Variants in TCF12 observed in about 807,000 individuals in gnomAD.
TCF12 encodes the protein transcription factor 12.
In TCF12, 45 loss-of-function variants were observed where a neutral mutation model predicts 86.0. The ratio of observed to expected loss-of-function variants is 0.52; its 90% CI spans 0.41 to 0.67. The LOEUF (loss-of-function observed/expected upper bound fraction) is 0.67, where lower values mean the gene tolerates loss of function less well. Ranked by LOEUF, TCF12 falls within the 30% of genes least tolerant of loss-of-function variation. The pLI, the probability that TCF12 is intolerant of heterozygous loss-of-function variation, is 0.00. For synonymous variants in TCF12, 330 were observed against 299.6 expected (o/e 1.10, Z -1.05); for missense variants, 881 against 859.9 (o/e 1.02, Z -0.31).
At chr15:57,052,777 C>T (rs181727706) in intron 3 of TCF12, among the ~76,000 whole-genome samples, 125 of 152,186 alleles carry the variant, frequency 8.2e-4, no homozygotes, top group Non-Finnish European at 1.5e-3. Flanking sequence ...GAAGGTGATA[C>T]AGAGTAAGAG....
chr15:57,028,338 T>C (rs1416738335), intron 3 of TCF12, among the ~76,000 whole-genome samples: 1 of 150,812 alleles, frequency 6.6e-6, no homozygotes, highest in East Asian at 2.0e-4. Context: ...AATAAACACA[T>C]GTAACACATT....
intron 13 of TCF12, among the ~76,000 whole-genome samples, chr15:57,249,916 C>T (rs1488801746): frequency 6.6e-6 from 1 of 151,984 alleles, no homozygotes; most frequent in Non-Finnish European, 1.5e-5. Flanking sequence ...TTGTCTTTTT[C>T]CTTTGAAAGG....
At chr15:57,174,574 A>G (rs1466067240) in intron 6 of TCF12, among the ~76,000 whole-genome samples, 1 of 152,228 alleles carries the variant, frequency 6.6e-6, no homozygotes, top group Non-Finnish European at 1.5e-5. Flanking sequence ...GGTTATAGAA[A>G]TTGAAAAGGA....
intron 3 of TCF12, among the ~76,000 whole-genome samples, chr15:56,999,663 C>T (rs945463357): frequency 2.2e-4 from 34 of 152,224 alleles, no homozygotes; most frequent in African/African-American, 8.2e-4. Flanking sequence ...CACTTGAGGT[C>T]AGGAGTTCCA....
At chr15:57,123,982 A>AAAAAAATT (rs1555511574) in intron 5 of TCF12, among the ~76,000 whole-genome samples, 2 of 111,212 alleles carry the variant, frequency 1.8e-5, no homozygotes, top group African/African-American at 3.0e-5. Flanking sequence ...AAAAAAAAAA[A>AAAAAAATT]TTTTTTTTTT....
At chr15:57,006,361 G>A (rs572454242) in intron 3 of TCF12, among the ~76,000 whole-genome samples, 2 of 151,992 alleles carry the variant, frequency 1.3e-5, no homozygotes, top group African/African-American at 4.8e-5. Flanking sequence ...CTGGAGTCCA[G>A]TGGTGCTATC....
At chr15:56,967,612 T>C (rs2062068651) in intron 3 of TCF12, among the ~76,000 whole-genome samples, 1 of 152,190 alleles carries the variant, frequency 6.6e-6, no homozygotes, top group East Asian at 1.9e-4. Flanking sequence ...CACTTTTATA[T>C]GTAAGGTATT....
chr15:57,266,372 C>G (rs1597762753), intron 18 of TCF12, among the ~76,000 whole-genome samples: 1 of 152,250 alleles, frequency 6.6e-6, no homozygotes, highest in East Asian at 1.9e-4. Context: ...GCCACTGCGC[C>G]TGGCTGCTGC....
intron 3 of TCF12, among the ~76,000 whole-genome samples, chr15:56,928,651 G>A (rs954299358): frequency 2.0e-5 from 3 of 152,086 alleles, no homozygotes; most frequent in South Asian, 4.2e-4. Flanking sequence ...TATTCTTAAT[G>A]TTATTATTTT....
At chr15:57,284,194 G>T (rs78781245) in intron 20 of TCF12, among the ~76,000 whole-genome samples, 6,902 of 151,830 alleles carry the variant, frequency 0.045, 401 homozygotes, top group Admixed American at 0.17. Flanking sequence ...GGATTTTTTT[G>T]TTGTTGTTGT....
rs537462255 is a variant in TCF12 at position 57,248,057 on chromosome 15, A to G, written c.1115-3293A>G. 194 of 703,116 alleles carry G rather than the reference A, an allele frequency of 2.8e-4. No individual in the cohort carries two copies. The African/African-American group carries it at 3.1e-3, about 11-fold the overall frequency. The allele number at this position is 703,116 out of a possible 1,614,324, so 43.6% of individuals were successfully genotyped here. ...TTTACCTCCATTTTGAGACCAGACAACTGGACTCATGTCTTCCAACTCAAG... is the reference window on the plus strand; with the variant it reads ...TTTACCTCCATTTTGAGACCAGACAGCTGGACTCATGTCTTCCAACTCAAG... On this transcript the variant is annotated intron_variant, in intron 13 of 20. Transcript: ENST00000333725.
At chr15:57,203,560 A>G (rs1318843468) in intron 8 of TCF12, among the ~76,000 whole-genome samples, 3 of 152,220 alleles carry the variant, frequency 2.0e-5, no homozygotes, top group African/African-American at 4.8e-5. Flanking sequence ...TTTCATATCA[A>G]ATATTAACTC....
At chr15:57,138,802 A>C (rs2052747977) in intron 5 of TCF12, among the ~76,000 whole-genome samples, 1 of 152,196 alleles carries the variant, frequency 6.6e-6, no homozygotes, top group South Asian at 2.1e-4. Flanking sequence ...TTATGTAGTC[A>C]TTTCTTTTTT....
chr15:57,136,920 G>C (rs1270901359), intron 5 of TCF12, among the ~76,000 whole-genome samples: 1 of 141,714 alleles, frequency 7.1e-6, no homozygotes, highest in African/African-American at 2.7e-5. Context: ...CAATATGCTG[G>C]AATCACAGAC....
At chr15:57,185,448 C>T (rs1477144337) in intron 6 of TCF12, among the ~76,000 whole-genome samples, 1 of 152,076 alleles carries the variant, frequency 6.6e-6, no homozygotes, top group Non-Finnish European at 1.5e-5. Context: ...AATCAGTAAC[C>T]TAACTTCATA....
chr15:57,109,697 A>G (rs1461657135), intron 5 of TCF12, among the ~76,000 whole-genome samples: 1 of 152,218 alleles, frequency 6.6e-6, no homozygotes, highest in Non-Finnish European at 1.5e-5. Context: ...TTAAAAATGC[A>G]TAGAACTTGT....
intron 3 of TCF12, among the ~76,000 whole-genome samples, chr15:56,950,146 TC>T (rs2061200541): frequency 6.6e-6 from 1 of 152,208 alleles, no homozygotes. Context: ...TCCTTCACAC[TC>T]CCATCCCTAC....
intron 7 of TCF12, among the ~76,000 whole-genome samples, chr15:57,196,339 C>T (rs1346979855): frequency 6.6e-6 from 1 of 152,122 alleles, no homozygotes; most frequent in Admixed American, 6.5e-5. Context: ...AGAGGATATG[C>T]ATAGGTTATA....
At position 57,253,487 on chromosome 15, in the gene TCF12, T is replaced by G. The variant is rs1267687747; in HGVS notation, c.1467+19T>G. ...TTCAATGGTAAAATCATGCTCATCT[T>G]TTTTGTAGTAAACCCTAAAGATTCT... On this transcript the variant is annotated intron_variant, in intron 16 of 20. Transcript: ENST00000333725. 6.2e-7 allele frequency: 1 copy of G among 1,612,618 alleles called. No individual in the cohort carries two copies. Among genetic ancestry groups the G allele is most frequent in the Admixed American group, 1.7e-5 (1 of 60,004 alleles).
Sources: allele counts gnomAD v4.1 joint callset (sites outside exome capture counted in the v4.1 genomes callset), GRCh38; gene constraint gnomAD v4.1.1; transcripts MANE v1.5; gene names NCBI Gene and HGNC (gene_info 2026-07-23, HGNC 2026-07-21).